The following SVEP1 variants were observed in gnomAD, a reference collection of about 807,000 sequenced individuals.
SVEP1 encodes sushi, von Willebrand factor type A, EGF and pentraxin domain containing 1.
In SVEP1, 164 loss-of-function variants were observed where a neutral mutation model predicts 367.3. That is an observed-to-expected ratio of 0.45 (90% CI 0.39 to 0.51). The LOEUF is 0.51. Ranked by LOEUF, SVEP1 falls within the 20% of genes least tolerant of loss-of-function variation. SVEP1 has a pLI of 0.00. For synonymous variants in SVEP1, 1,666 were observed against 1,611.6 expected (o/e 1.03, Z -0.81); for missense variants, 4,117 against 4,425.3 (o/e 0.93, Z 1.98).
chr9:110,479,499 T>G (rs1829151652), intron 13 of SVEP1, 136 bp downstream of exon 13: 10 of 1,043,978 alleles, frequency 9.6e-6, no homozygotes, highest in Non-Finnish European at 7.8e-6. Context: ...AATCTATGAA[T>G]AATTTTAAAT....
intron 1 of SVEP1, among the ~76,000 whole-genome samples, chr9:110,558,407 G>C (rs1425311261): frequency 6.6e-6 from 1 of 150,560 alleles, no homozygotes; most frequent in African/African-American, 2.4e-5. Flanking sequence ...CCAGCTACTT[G>C]GGTGGCTGAG....
At chr9:110,405,183 CT>C (rs1217928354) in intron 38 of SVEP1, among the ~76,000 whole-genome samples, 1 of 152,126 alleles carries the variant, frequency 6.6e-6, no homozygotes, top group African/African-American at 2.4e-5. Flanking sequence ...CTATAAACAG[CT>C]AACAGTTCAG....
At chr9:110,486,217 A>G (rs939005969) in intron 9 of SVEP1, among the ~76,000 whole-genome samples, 6 of 152,252 alleles carry the variant, frequency 3.9e-5, no homozygotes, top group African/African-American at 1.4e-4. Flanking sequence ...AGCAGTATTT[A>G]CTATTTTGCC....
At chr9:110,433,448 A>G (rs996986518) in intron 30 of SVEP1, among the ~76,000 whole-genome samples, 1 of 144,804 alleles carries the variant, frequency 6.9e-6, no homozygotes, top group Non-Finnish European at 1.5e-5. Context: ...CCTCCACCTA[A>G]CCCTCATTTT....
chr9:110,423,542 T>C (rs750965877), intron 36 of SVEP1, among the ~76,000 whole-genome samples: 1 of 152,142 alleles, frequency 6.6e-6, no homozygotes, highest in Non-Finnish European at 1.5e-5. Flanking sequence ...CTTTCTAAAG[T>C]CTTCAAGTTG....
At chr9:110,410,757 A>T (rs1440691009) in intron 37 of SVEP1, among the ~76,000 whole-genome samples, 1 of 152,218 alleles carries the variant, frequency 6.6e-6, no homozygotes, top group Non-Finnish European at 1.5e-5. Context: ...CCGCTTCTGA[A>T]TAGTGGGTTC....
At chr9:110,445,497 C>T (rs995000329) in intron 26 of SVEP1, among the ~76,000 whole-genome samples, 3 of 152,148 alleles carry the variant, frequency 2.0e-5, no homozygotes, top group South Asian at 2.1e-4. Context: ...CCCTGCTACT[C>T]CCAAGGTGTG....
Position 110,520,744 on chromosome 9 carries a change from C to T in SVEP1, c.965-6638G>A, listed in dbSNP as rs73534508. 7.8e-3 allele frequency among the ~76,000 whole-genome samples: 1,191 copies of T among 152,224 alleles called. 16 individuals are homozygous for T. The highest frequency in any genetic ancestry group is 0.027 in the African/African-American group (1,118 of 41,552). On this transcript the variant is annotated intron_variant, in intron 3 of 47. Transcript: ENST00000374469. ...GTGACTTACATTTTACAAAATTTCTCCTCATACATGTCTTAGATTAACTTC... is the reference window on the plus strand; with the variant it reads ...GTGACTTACATTTTACAAAATTTCTTCTCATACATGTCTTAGATTAACTTC...
At chr9:110,570,606 A>C (rs1830544540) in intron 1 of SVEP1, among the ~76,000 whole-genome samples, 1 of 151,892 alleles carries the variant, frequency 6.6e-6, no homozygotes, top group South Asian at 2.1e-4. Flanking sequence ...TCCGTCTCCC[A>C]AGTAGCTGGG....
chr9:110,456,311 C>T (rs1430587990), intron 21 of SVEP1, among the ~76,000 whole-genome samples: 1 of 152,152 alleles, frequency 6.6e-6, no homozygotes, highest in Admixed American at 6.6e-5. Flanking sequence ...TTTTAACAAG[C>T]CTTCCAGATG....
intron 18 of SVEP1, among the ~76,000 whole-genome samples, chr9:110,465,045 T>C (rs991581377): frequency 4.6e-5 from 7 of 152,036 alleles, no homozygotes; most frequent in African/African-American, 1.5e-4. Context: ...GGAACTCTAA[T>C]CTTTTTTTTT....
At chr9:110,568,563 G>C (rs1370880740) in intron 1 of SVEP1, among the ~76,000 whole-genome samples, 1 of 151,940 alleles carries the variant, frequency 6.6e-6, no homozygotes, top group African/African-American at 2.4e-5. Flanking sequence ...CAGAGAAAAA[G>C]GCCTGTGAAG....
chr9:110,366,591 ATTC>A, intron 47 of SVEP1, 31 bp from the exon 48 acceptor site: 1 of 1,517,472 alleles, frequency 6.6e-7, no homozygotes, highest in Non-Finnish European at 8.8e-7. Context: ...AACCAAATAG[ATTC>A]AAAAGAAAAA....
At chr9:110,508,198 T>A (rs12342285) in intron 5 of SVEP1, among the ~76,000 whole-genome samples, 3,671 of 152,300 alleles carry the variant, frequency 0.024, 142 homozygotes, top group African/African-American at 0.08. Context: ...TTTGGTCTTT[T>A]TAGAAAATAG....
chr9:110,375,553 C>A, intron 45 of SVEP1, 90 bp from the exon 46 acceptor site: 1 of 1,206,036 alleles, frequency 8.3e-7, no homozygotes, highest in South Asian at 1.6e-5. Context: ...TTCAAGGGTT[C>A]AGAAAACATT....
chr9:110,510,855 C>T (rs1173749939), intron 5 of SVEP1, among the ~76,000 whole-genome samples: 1 of 152,228 alleles, frequency 6.6e-6, no homozygotes, highest in African/African-American at 2.4e-5. Context: ...TACAAGCTTT[C>T]AAGGATTCAT....
At chr9:110,545,457 A>G (rs780439611) in intron 3 of SVEP1, among the ~76,000 whole-genome samples, 2 of 152,182 alleles carry the variant, frequency 1.3e-5, no homozygotes, top group Non-Finnish European at 2.9e-5. Context: ...GATAGTAGTC[A>G]TTCCAATTCC....
intron 5 of SVEP1, among the ~76,000 whole-genome samples, chr9:110,504,852 C>T (rs1829598934): frequency 1.3e-5 from 2 of 152,122 alleles, no homozygotes; most frequent in South Asian, 2.1e-4. Context: ...GAAAGATCTT[C>T]CCCCTTTCTT....
Position 110,511,488 on chromosome 9 carries a change from C to CTT in SVEP1, c.1303+1436_1303+1437dup, listed in dbSNP as rs199993986. ...CTAGGTCCATTCATTGTGTCAGTAC[C>CTT]TTTTTTTTTTTTTTTTTTTTTTTTT... On this transcript the variant is annotated intron_variant, in intron 5 of 47. Transcript: ENST00000374469. Among the ~76,000 whole-genome samples the CTT allele has an allele frequency of 1.4e-3, 111 of 77,446 alleles. 5 individuals carry two copies. The highest frequency in any genetic ancestry group is 2.7e-3 in the African/African-American group (59 of 22,202). The allele number at this position is 77,446 out of a possible 152,430, so 50.8% of individuals were successfully genotyped here.
Sources: gnomAD v4.1 joint callset for allele counts (sites outside exome capture counted in the v4.1 genomes callset) on GRCh38, gnomAD v4.1.1 for gene constraint, MANE v1.5 for transcripts, NCBI Gene and HGNC (gene_info 2026-07-23, HGNC 2026-07-21) for gene names.